The following SCN3A variants were observed in gnomAD, a reference collection of about 807,000 sequenced individuals.
The protein encoded by SCN3A is sodium voltage-gated channel alpha subunit 3.
In SCN3A, 60 loss-of-function variants were observed where a neutral mutation model predicts 187.6. The observed-to-expected ratio is 0.32, with a 90% CI of 0.26 to 0.40. The LOEUF (loss-of-function observed/expected upper bound fraction) is 0.40. Among genes scored for constraint, SCN3A ranks in the 10% least tolerant of loss-of-function variants. The pLI is 1.00. For missense variants in SCN3A, 1,601 were observed against 2,428.2 expected (o/e 0.66, Z 7.16); for synonymous variants, 788 against 829.2 (o/e 0.95, Z 0.85).
rs764672375 is a variant in SCN3A at position 165,090,742 on chromosome 2, G to T, written c.5411C>A (p.Ala1804Glu). 6.2e-7 allele frequency: 1 copy of T among 1,614,030 alleles called. No individual in the cohort carries two copies. Among genetic ancestry groups the T allele is most frequent in the Non-Finnish European group, 8.5e-7 (1 of 1,179,990 alleles). The stretch of plus-strand genomic sequence containing the variant: ...TTTAGAGAACTCTATAAACTGGGTC[G>T]CATCGGGATCAAACTTTTCCCAAAC... ...YEVWEKFDPD[A>E]TQFIEFSKLS... The change falls in exon 28 of 28, where the codon GCG (alanine) becomes GAG (glutamate). Residue 1804 changes from alanine to glutamate, a missense_variant. Transcript: ENST00000283254. The surrounding 1 kb of genome is among the most constrained non-coding windows in gnomAD (Gnocchi z 4.0).
intron 21 of SCN3A, among the ~76,000 whole-genome samples, chr2:165,104,424 A>G (rs2105676234): frequency 6.6e-6 from 1 of 152,040 alleles, no homozygotes; most frequent in Non-Finnish European, 1.5e-5. Flanking sequence ...AGCCAGATAG[A>G]AAAAAATAAT....
chr2:165,181,921 G>A (rs1359639561), intron 2 of SCN3A, among the ~76,000 whole-genome samples: 2 of 152,132 alleles, frequency 1.3e-5, no homozygotes, highest in Non-Finnish European at 2.9e-5. Flanking sequence ...AAATTAATAT[G>A]TACTGCTTCA....
At chr2:165,163,854 G>C (rs776205331) in intron 6 of SCN3A, 145 bp from the exon 7 acceptor site, 1 of 1,613,836 alleles carries the variant, frequency 6.2e-7, no homozygotes, top group Non-Finnish European at 8.5e-7. Flanking sequence ...AAGTTCGAAG[G>C]GCTGAAACAT....
Position 165,156,121 on chromosome 2 carries a change from G to A in SCN3A, c.1032-218C>T, listed in dbSNP as rs13011371. Among the ~76,000 whole-genome samples the A allele has an allele frequency of 0.62, 93,834 of 151,732 alleles. 29,617 individuals carry two copies. Among genetic ancestry groups the A allele is most frequent in the Non-Finnish European group, 0.67 (45,530 of 67,954 alleles). On this transcript the variant is annotated intron_variant, in intron 9 of 27. Transcript: ENST00000283254. ...AATTTAGATGCAAATAAATATTTAC[G>A]GACATTTAGAATGGCAGAAAGCTAG...
Position 165,127,806 on chromosome 2 carries a change from C to A in SCN3A, c.3218G>T (p.Gly1073Val). The change falls in exon 18 of 28, where the codon GGT becomes GTT. Residue 1073 changes from glycine (G) to valine (V), a missense_variant. Gly to Val is a moderately radical substitution (Grantham distance 109). Around this residue, in one of 11 missense-constraint regions of SCN3A, gnomAD observed 267 missense variants for 313.2 expected, o/e 0.85. Transcript: ENST00000283254. The part of the protein sequence containing the change: ...YLRDGNGTTS[G>V]VGTGSSVEKY... ...TTCAACACTGCTTCCAGTACCTACACCACTGGTGGTTCCATTCCCATCTCT... is the reference window on the plus strand; with the variant it reads ...TTCAACACTGCTTCCAGTACCTACAACACTGGTGGTTCCATTCCCATCTCT... 1 of 1,614,176 alleles carries A rather than the reference C, an allele frequency of 6.2e-7. No homozygotes were observed. Among genetic ancestry groups the A allele is most frequent in the Non-Finnish European group, 8.5e-7 (1 of 1,180,024 alleles).
At position 165,138,125 on chromosome 2, in the gene SCN3A, G is replaced by A. The variant is rs1341179214; in HGVS notation, c.2153-8C>T. ...GTCTAGATTCTTCAAGTTCTGGAGG[G>A]ACAATAACAAGGAAGAGTAGTAAAT... On this transcript the variant is annotated splice_polypyrimidine_tract_variant and splice_region_variant and intron_variant, in intron 14 of 27. Transcript: ENST00000283254. 1.3e-6 allele frequency: 2 copies of A among 1,591,426 alleles called. No homozygotes were observed. The highest frequency in any genetic ancestry group is 1.7e-6 in the Non-Finnish European group (2 of 1,159,612).
intron 25 of SCN3A, among the ~76,000 whole-genome samples, chr2:165,094,978 T>G (rs1685294792): frequency 6.6e-6 from 1 of 152,100 alleles, no homozygotes; most frequent in Non-Finnish European, 1.5e-5. Flanking sequence ...AACAATGAAT[T>G]CAGAGACTCA....
Position 165,099,447 on chromosome 2 carries a change from A to G in SCN3A, c.3966+855T>C, listed in dbSNP as rs757829737. Among the ~76,000 whole-genome samples the G allele has an allele frequency of 3.5e-4, 53 of 152,180 alleles. 1 individual carries two copies. Among genetic ancestry groups the G allele is most frequent in the Admixed American group, 2.2e-3 (33 of 15,268 alleles). On this transcript the variant is annotated intron_variant, in intron 22 of 27. Coordinates refer to ENST00000283254, the MANE Select transcript of SCN3A (RefSeq NM_006922.4). ...ATAAAACAAACTCTGGGCTGGGCGCAGTGGTTCATGCCCGTAATCCCAGCA... is the reference window on the plus strand; with the variant it reads ...ATAAAACAAACTCTGGGCTGGGCGCGGTGGTTCATGCCCGTAATCCCAGCA...
intron 12 of SCN3A, among the ~76,000 whole-genome samples, chr2:165,146,413 T>C (rs1688332572): frequency 6.9e-6 from 1 of 145,284 alleles, no homozygotes; most frequent in South Asian, 2.2e-4. Flanking sequence ...TGTGTGTGTG[T>C]GTGTGTATAG....
chr2:165,148,517 A>T (rs983246188), intron 11 of SCN3A, among the ~76,000 whole-genome samples: 15 of 152,114 alleles, frequency 9.9e-5, no homozygotes, highest in Non-Finnish European at 7.4e-5. Context: ...TTAAAAATTT[A>T]AAAAAGATTT....
chr2:165,162,774 A>G lies in SCN3A; in HGVS notation c.749T>C (p.Val250Ala). The G allele has an allele frequency of 6.2e-7, 1 of 1,614,160 alleles. No homozygotes were observed. The highest frequency in any genetic ancestry group is 8.5e-7 in the Non-Finnish European group (1 of 1,179,998). ...LIQSVKKLSDVMILTVFCLSV... is the reference protein window; with the variant it reads ...LIQSVKKLSDAMILTVFCLSV... ...CAGACAGAACACAGTCAGGATCATC[A>G]CATCAGAAAGCTTCTTTACCGACTG... The change falls in exon 8 of 28, where the codon GTG becomes GCG. Residue 250 changes from valine (V) to alanine (A), a missense_variant. Coordinates refer to ENST00000283254, the MANE Select transcript of SCN3A (RefSeq NM_006922.4).
intron 1 of SCN3A, among the ~76,000 whole-genome samples, chr2:165,202,617 T>G (rs1692390944): frequency 6.6e-6 from 1 of 152,020 alleles, no homozygotes; most frequent in Non-Finnish European, 1.5e-5. Context: ...AAATATTAAG[T>G]GAGATGTCAA....
chr2:165,162,449 A>T (rs577148379), intron 8 of SCN3A, 78 bp from the exon 9 acceptor site: 2 of 1,592,890 alleles, frequency 1.3e-6, no homozygotes, highest in Middle Eastern at 1.7e-4. Context: ...TCAGAGTTGG[A>T]CTATTTCAGT....
chr2:165,101,517 C>CA (rs887174631), intron 21 of SCN3A, among the ~76,000 whole-genome samples: 1 of 152,040 alleles, frequency 6.6e-6, no homozygotes, highest in Non-Finnish European at 1.5e-5. Context: ...AATCTGACGT[C>CA]AAAAGCATAT....
At position 165,113,975 on chromosome 2, in the gene SCN3A, A is replaced by G; in HGVS notation, c.3515-5T>C. 6.5e-7 allele frequency: 1 copy of G among 1,537,492 alleles called. No individual in the cohort carries two copies. Among genetic ancestry groups the G allele is most frequent in the African/African-American group, 1.4e-5 (1 of 73,418 alleles). On this transcript the variant is annotated splice_region_variant and splice_polypyrimidine_tract_variant and intron_variant, in intron 19 of 27. Transcript: ENST00000283254. ...ATGGAAACTTTTTAATACATCCTAAAAATCAAATATAGTTAATTAAAAAAT... is the reference window on the plus strand; with the variant it reads ...ATGGAAACTTTTTAATACATCCTAAGAATCAAATATAGTTAATTAAAAAAT...
chr2:165,162,762 G>C lies in SCN3A; in HGVS notation c.761C>G (p.Thr254Ser). 3 of 1,614,120 alleles carry C rather than the reference G, an allele frequency of 1.9e-6. No individual in the cohort carries two copies. The highest frequency in any genetic ancestry group is 2.5e-6 in the Non-Finnish European group (3 of 1,179,998). Residue 254 changes from threonine (T) to serine (S), a missense_variant, in exon 8 of 28, where the codon ACT (threonine) becomes AGT (serine). Around this residue, in one of 11 missense-constraint regions of SCN3A, gnomAD observed 104 missense variants for 102.7 expected, o/e 1.01. Transcript: ENST00000283254. The stretch of plus-strand genomic sequence containing the variant: ...AGCAAACACGCTCAGACAGAACACA[G>C]TCAGGATCATCACATCAGAAAGCTT... The part of the protein sequence containing the change: ...VKKLSDVMIL[T>S]VFCLSVFALI...
chr2:165,171,629 A>G (rs11903523), intron 3 of SCN3A, among the ~76,000 whole-genome samples: 34,128 of 151,932 alleles, frequency 0.22, 5,034 homozygotes, highest in East Asian at 0.52. Flanking sequence ...TTTCTCAGCT[A>G]TCAATCACCT....
intron 1 of SCN3A, among the ~76,000 whole-genome samples, chr2:165,199,975 A>G (rs1365249153): frequency 3.3e-5 from 5 of 152,104 alleles, no homozygotes; most frequent in African/African-American, 1.2e-4. Flanking sequence ...AACCGACAAT[A>G]TAAAGCAAGA....
chr2:165,101,552 A>G (rs1038527348), intron 21 of SCN3A, among the ~76,000 whole-genome samples: 1 of 152,162 alleles, frequency 6.6e-6, no homozygotes, highest in Non-Finnish European at 1.5e-5. Flanking sequence ...TCCATTAAAA[A>G]TGTTTCTTCT....
Sources: allele counts gnomAD v4.1 joint callset (sites outside exome capture counted in the v4.1 genomes callset), GRCh38; gene constraint gnomAD v4.1.1; regional missense constraint gnomAD v4.1.1; non-coding constraint Gnocchi (gnomAD v3.1); transcripts MANE v1.5; gene names NCBI Gene and HGNC (gene_info 2026-07-23, HGNC 2026-07-21).